The following MMP24 variants were observed in gnomAD, a reference collection of about 807,000 sequenced individuals.
MMP24 encodes matrix metallopeptidase 24, also known as matrix metalloproteinase-24.
MMP24 carries 25 observed loss-of-function variants against 62.8 expected under a neutral mutation model. The observed-to-expected ratio is 0.40, with a 90% CI of 0.29 to 0.56. The LOEUF (loss-of-function observed/expected upper bound fraction) is 0.56, where lower values mean the gene tolerates loss of function less well. MMP24 is among the 20% of genes least tolerant of loss of function. The probability of loss-of-function intolerance (pLI) is 0.50; values close to 1 mark genes in which losing one functional copy is unlikely to be tolerated. For synonymous variants in MMP24, 319 were observed against 350.5 expected, an observed-to-expected ratio of 0.91 and a Z score of 1.00; for missense variants, 634 against 853.6, an observed-to-expected ratio of 0.74 and a Z score of 3.21.
chr20:35,252,383 G>A (rs186208271), intron 3 of MMP24, among the ~76,000 whole-genome samples: 1 of 152,262 alleles, frequency 6.6e-6, no homozygotes, highest in Admixed American at 6.5e-5. Flanking sequence ...TCATGCCACT[G>A]CACTCCAGCC....
In MMP24 at chr20:35,246,887, A is replaced by T. The variant is rs772016665; in HGVS notation, c.294A>T (p.Ala98=). ...YGYLLPYDSR[A]SALHSAKALQ... is the part of the protein sequence containing the mutation. ...ATCTGCTTCCCTATGACTCACGGGC[A>T]TCTGCGCTGCACTCAGCGAAGGCCT... Residue 98 remains alanine, a synonymous_variant, in exon 2 of 9, where the codon GCA becomes GCT. Transcript: ENST00000246186. 6.2e-7 allele frequency: 1 copy of T among 1,614,024 alleles called. No homozygotes were observed. The highest frequency in any genetic ancestry group is 8.5e-7 in the Non-Finnish European group (1 of 1,179,872).
chr20:35,230,272 G>A (rs1436164738), intron 1 of MMP24, among the ~76,000 whole-genome samples: 1 of 152,180 alleles, frequency 6.6e-6, no homozygotes, highest in Non-Finnish European at 1.5e-5. Context: ...TTATAGGTGT[G>A]AGCCACCGTG....
At chr20:35,267,091 A>G in intron 5 of MMP24, 114 bp from the exon 6 acceptor site, 1 of 814,096 alleles carries the variant, frequency 1.2e-6, no homozygotes, top group Non-Finnish European at 1.9e-6. Context: ...GGGAGAGGGA[A>G]CAGGAGGCTG....
At chr20:35,227,957 G>A (rs1209594500) in intron 1 of MMP24, among the ~76,000 whole-genome samples, 1 of 152,062 alleles carries the variant, frequency 6.6e-6, no homozygotes, top group Non-Finnish European at 1.5e-5. Flanking sequence ...TATCTCATGG[G>A]GGGTGCAGTT....
At position 35,263,898 on chromosome 20, in the gene MMP24, AC is replaced by A. The variant is rs1225405517; in HGVS notation, c.926del (p.Thr309SerfsTer146). ...IMAPFYQYME[T>X]HNFKLPQDDL... Reference sequence around the variant, plus strand: ...GGCGCCCTTCTACCAGTACATGGAGACGCACAACTTCAAGCTGCCCCAGGAC... The same window carrying A: ...GGCGCCCTTCTACCAGTACATGGAGAGCACAACTTCAAGCTGCCCCAGGAC... On this transcript the variant is annotated frameshift_variant, in exon 5 of 9. Transcript: ENST00000246186. LOFTEE classifies it high-confidence loss of function. The A allele has an allele frequency of 3.7e-6, 6 of 1,612,534 alleles. No individual in the cohort carries two copies. Among genetic ancestry groups the A allele is most frequent in the Non-Finnish European group, 5.1e-6 (6 of 1,179,320 alleles).
intron 3 of MMP24, among the ~76,000 whole-genome samples, chr20:35,252,670 C>T (rs1203839582): frequency 6.6e-6 from 1 of 152,242 alleles, no homozygotes; most frequent in East Asian, 1.9e-4. Flanking sequence ...AAGGGCAGAG[C>T]AGGATCCATC....
chr20:35,263,763 G>C (rs1319447602), intron 4 of MMP24, 28 bp from the exon 5 acceptor site: 1 of 1,481,214 alleles, frequency 6.8e-7, no homozygotes, highest in African/African-American at 1.4e-5. Context: ...CAGGTGCCCT[G>C]GGCACCTCCC....
At chr20:35,258,307 A>C (rs558806174) in intron 4 of MMP24, among the ~76,000 whole-genome samples, 223 of 152,290 alleles carry the variant, frequency 1.5e-3, no homozygotes, top group Admixed American at 7.3e-3. Context: ...AATTAACAAT[A>C]ATTTTTTAAA....
At chr20:35,259,544 T>C (rs980080834) in intron 4 of MMP24, among the ~76,000 whole-genome samples, 2 of 152,150 alleles carry the variant, frequency 1.3e-5, no homozygotes, top group African/African-American at 4.8e-5. Context: ...TGGGAAGTCA[T>C]GGAAGGCTTC....
At chr20:35,251,159 C>T (rs2060543974) in intron 2 of MMP24, among the ~76,000 whole-genome samples, 1 of 150,012 alleles carries the variant, frequency 6.7e-6, no homozygotes, top group African/African-American at 2.5e-5. Context: ...ACTCTTCTTG[C>T]CCAGGCTGGA....
chr20:35,258,097 T>C (rs2060583876), intron 4 of MMP24, among the ~76,000 whole-genome samples: 1 of 152,212 alleles, frequency 6.6e-6, no homozygotes, highest in Admixed American at 6.5e-5. Context: ...AATGCTTCTA[T>C]GATCTCCCAG....
At chr20:35,257,313 T>G (rs2060579857) in intron 4 of MMP24, among the ~76,000 whole-genome samples, 1 of 152,238 alleles carries the variant, frequency 6.6e-6, no homozygotes. Flanking sequence ...TCCTTTGCCC[T>G]GGTATCTCTC....
rs538496184 is a variant in MMP24, at chr20:35,261,361, T to C, written c.818-2430T>C. On this transcript the variant is annotated intron_variant, in intron 4 of 8. Transcript: ENST00000246186. ...TTACAACAGCTGCCATTCTGTGTCA[T>C]ACCACGCACTTCACGTGTATCTTAT... is the stretch of plus-strand genomic sequence containing the variant. Among the ~76,000 whole-genome samples the C allele has an allele frequency of 2.8e-4, 43 of 152,350 alleles. No individual in the cohort carries two copies. In the South Asian group the frequency reaches 6.4e-3, roughly 23 times the overall value.
chr20:35,251,025 A>G (rs959795653), intron 2 of MMP24, among the ~76,000 whole-genome samples: 3 of 152,232 alleles, frequency 2.0e-5, no homozygotes, highest in Non-Finnish European at 2.9e-5. Context: ...CATTTATTAG[A>G]GGAAATAAAC....
chr20:35,248,939 A>G (rs1261583595), intron 2 of MMP24, among the ~76,000 whole-genome samples: 1 of 152,182 alleles, frequency 6.6e-6, no homozygotes, highest in African/African-American at 2.4e-5. Flanking sequence ...AAAAAGCCCC[A>G]GGCCTGTTGG....
intron 4 of MMP24, among the ~76,000 whole-genome samples, chr20:35,260,269 C>T (rs58804088): frequency 0.014 from 2,167 of 152,330 alleles, 63 homozygotes; most frequent in South Asian, 0.12. Context: ...CTGGCTCCCT[C>T]GCTCTTCCCT....
chr20:35,272,781 C>T (rs967367471), intron 8 of MMP24, among the ~76,000 whole-genome samples: 3 of 152,220 alleles, frequency 2.0e-5, no homozygotes, highest in Non-Finnish European at 2.9e-5. Flanking sequence ...TAGTACCACT[C>T]ACTATGAATC....
intron 4 of MMP24, among the ~76,000 whole-genome samples, chr20:35,258,937 TG>T (rs1219513515): frequency 6.6e-6 from 1 of 151,572 alleles, no homozygotes; most frequent in Non-Finnish European, 1.5e-5. Context: ...CCCAGCACTT[TG>T]GGAGGCCGAG....
rs2060691410 is a variant in MMP24 at position 35,274,394 on chromosome 20, G to A, written c.1723G>A (p.Glu575Lys). 1.9e-6 allele frequency: 3 copies of A among 1,613,830 alleles called. No individual in the cohort carries two copies. Among genetic ancestry groups the A allele is most frequent in the African/African-American group, 1.3e-5 (1 of 74,932 alleles). The change falls in exon 9 of 9, where the codon GAG becomes AAG. Residue 575 changes from glutamate to lysine, a missense_variant. Glu to Lys is a moderately conservative substitution (Grantham distance 56). Around this residue, in one of 3 missense-constraint regions of MMP24, gnomAD observed 399 missense variants for 530.8 expected, o/e 0.75. Coordinates refer to ENST00000246186, the MANE Select transcript of MMP24 (RefSeq NM_006690.4). This position sits in a 1 kb window ranked among gnomAD's most constrained non-coding sequence, Gnocchi z 5.1. ...DWMGCNQKEV[E>K]RRKERRLPQD... Reference sequence around the variant, plus strand: ...GATGGGCTGCAACCAGAAGGAGGTGGAGCGGCGGAAGGAGCGGCGGCTGCC... The same window carrying A: ...GATGGGCTGCAACCAGAAGGAGGTGAAGCGGCGGAAGGAGCGGCGGCTGCC...
Sources: allele counts gnomAD v4.1 joint callset (sites outside exome capture counted in the v4.1 genomes callset), GRCh38; gene constraint gnomAD v4.1.1; regional missense constraint gnomAD v4.1.1; non-coding constraint Gnocchi (gnomAD v3.1); transcripts MANE v1.5; gene names NCBI Gene and HGNC (gene_info 2026-07-23, HGNC 2026-07-21).